ROBO2: variants seen among roughly 807,000 people sequenced by gnomAD.
ROBO2 encodes roundabout guidance receptor 2, also known as roundabout homolog 2.
In ROBO2, 53 loss-of-function variants were observed where a neutral mutation model predicts 160.8. The ratio of observed to expected loss-of-function variants is 0.33; its 90% CI spans 0.26 to 0.41. The LOEUF is 0.41. Ranked by LOEUF, ROBO2 falls within the 10% of genes least tolerant of loss-of-function variation. The probability of loss-of-function intolerance (pLI) is 1.00; values close to 1 mark genes in which losing one functional copy is unlikely to be tolerated. For missense variants in ROBO2, 1,577 were observed against 1,722.4 expected (o/e 0.92, Z 1.49); for synonymous variants, 664 against 611.7 (o/e 1.09, Z -1.26).
At chr3:77,634,675 A>G (rs2095232534) in intron 23 of ROBO2, 195 bp from the exon 25 acceptor site, 2 of 605,886 alleles carry the variant, frequency 3.3e-6, no homozygotes, top group East Asian at 2.9e-5. Context: ...TTGTTAGCTT[A>G]TTAAAAATTG....
At chr3:76,935,030 G>A (rs1030094867) in intron 2 of ROBO2, among the ~76,000 whole-genome samples, 2 of 148,148 alleles carry the variant, frequency 1.3e-5, no homozygotes, top group African/African-American at 5.0e-5. Context: ...ACTGCTCACT[G>A]CAGTCTTGAC....
intron 2 of ROBO2, among the ~76,000 whole-genome samples, chr3:76,272,880 AT>A (rs1163884791): frequency 3.7e-3 from 69 of 18,600 alleles, no homozygotes; most frequent in Middle Eastern, 0.056. Flanking sequence ...TATAATATAT[AT>A]TTATATATAA....
chr3:77,299,776 CAG>C (rs2062483897), intron 2 of ROBO2, among the ~76,000 whole-genome samples: 1 of 152,024 alleles, frequency 6.6e-6, no homozygotes, highest in African/African-American at 2.4e-5. Context: ...AAATAGGAAT[CAG>C]AGGAACAACG....
chr3:77,191,383 A>G (rs1435268719), intron 2 of ROBO2, among the ~76,000 whole-genome samples: 1 of 152,136 alleles, frequency 6.6e-6, no homozygotes, highest in Non-Finnish European at 1.5e-5. Context: ...GGACTCGGTG[A>G]TAGGCCTAAA....
intron 2 of ROBO2, among the ~76,000 whole-genome samples, chr3:77,237,008 G>A (rs1384959109): frequency 3.3e-5 from 5 of 151,950 alleles, no homozygotes; most frequent in Non-Finnish European, 7.4e-5. Context: ...GGAGTAGCTA[G>A]GACTACAGGC....
chr3:76,292,099 C>T (rs201624207), intron 2 of ROBO2, among the ~76,000 whole-genome samples: 6 of 152,132 alleles, frequency 3.9e-5, no homozygotes, highest in South Asian at 2.1e-4. Context: ...CTAATGTCGT[C>T]GGTAGATTAT....
chr3:76,113,843 A>T (rs1372967657), intron 2 of ROBO2, among the ~76,000 whole-genome samples: 1 of 151,870 alleles, frequency 6.6e-6, no homozygotes, highest in Non-Finnish European at 1.5e-5. Context: ...GGCTTGGCGC[A>T]CTCCCTGTGG....
At chr3:76,987,094 C>T (rs1578068616) in intron 2 of ROBO2, among the ~76,000 whole-genome samples, 1 of 152,196 alleles carries the variant, frequency 6.6e-6, no homozygotes, top group South Asian at 2.1e-4. Context: ...AGGCGCTAAT[C>T]TCTGTCGTGA....
At chr3:77,393,490 C>T (rs963440941) in intron 2 of ROBO2, among the ~76,000 whole-genome samples, 2 of 150,926 alleles carry the variant, frequency 1.3e-5, no homozygotes, top group East Asian at 1.9e-4. Flanking sequence ...AACAGTACCA[C>T]AAAATGACTA....
chr3:76,163,414 G>GATATTAATTATT (rs1474484603), intron 2 of ROBO2, among the ~76,000 whole-genome samples: 6 of 150,710 alleles, frequency 4.0e-5, no homozygotes, highest in Non-Finnish European at 8.9e-5. Context: ...ATTATAACGT[G>GATATTAATTATT]GTATTGAAAT....
At chr3:76,219,706 G>A (rs888114473) in intron 2 of ROBO2, among the ~76,000 whole-genome samples, 11 of 152,124 alleles carry the variant, frequency 7.2e-5, no homozygotes, top group African/African-American at 2.2e-4. Flanking sequence ...TGGAGAAATA[G>A]GAACACTTTT....
At chr3:77,346,644 T>C (rs894785159) in intron 2 of ROBO2, among the ~76,000 whole-genome samples, 2 of 152,130 alleles carry the variant, frequency 1.3e-5, no homozygotes, top group Admixed American at 6.6e-5. Context: ...ATGAATCTGC[T>C]TTTTAGCTCA....
chr3:76,461,713 C>T (rs1261817949), intron 2 of ROBO2, among the ~76,000 whole-genome samples: 1 of 151,942 alleles, frequency 6.6e-6, no homozygotes, highest in Non-Finnish European at 1.5e-5. Context: ...AATGTATCAC[C>T]TATACTTTGA....
At chr3:76,576,701 C>CTTTTTTTTTTTTT (rs56404865) in intron 2 of ROBO2, among the ~76,000 whole-genome samples, 40 of 62,412 alleles carry the variant, frequency 6.4e-4, no homozygotes, top group East Asian at 1.4e-3. Flanking sequence ...CATTTTCTTT[C>CTTTTTTTTTTTTT]TTTTTTTTTT....
intron 23 of ROBO2, chr3:77,633,828 T>C (rs957320029): frequency 1.3e-5 from 2 of 152,224 alleles, no homozygotes; most frequent in African/African-American, 4.8e-5. Flanking sequence ...TTTATGTTGC[T>C]TGAGTGCTTT....
intron 2 of ROBO2, among the ~76,000 whole-genome samples, chr3:76,930,580 C>T (rs2077274265): frequency 6.6e-6 from 1 of 152,112 alleles, no homozygotes; most frequent in Admixed American, 6.5e-5. Context: ...GAGATATATA[C>T]AAGACATTTA....
chr3:76,764,783 A>C (rs1276571786), intron 2 of ROBO2, among the ~76,000 whole-genome samples: 1 of 151,658 alleles, frequency 6.6e-6, no homozygotes, highest in Admixed American at 6.6e-5. Context: ...CTATGCAGTA[A>C]AGTTCTTCCA....
chr3:76,035,240 T>C (rs893717435), intron 2 of ROBO2, among the ~76,000 whole-genome samples: 2 of 151,176 alleles, frequency 1.3e-5, no homozygotes, highest in Admixed American at 1.3e-4. Flanking sequence ...GTCTGGCACA[T>C]ATTTGGTATT....
intron 2 of ROBO2, among the ~76,000 whole-genome samples, chr3:76,747,658 A>G (rs1218165736): frequency 6.6e-6 from 1 of 151,936 alleles, no homozygotes; most frequent in African/African-American, 2.4e-5. Context: ...GGTTTTTTTA[A>G]TGATTGATCT....
Sources: gnomAD v4.1 joint callset for allele counts (sites outside exome capture counted in the v4.1 genomes callset) on GRCh38, gnomAD v4.1.1 for gene constraint, MANE v1.5 for transcripts, NCBI Gene and HGNC (gene_info 2026-07-23, HGNC 2026-07-21) for gene names.